FAR2: variants seen among roughly 807,000 people sequenced by gnomAD.
The protein encoded by FAR2 is epididymis secretory protein Li 81.
In FAR2, 19 loss-of-function variants were observed where a neutral mutation model predicts 56.0. The ratio of observed to expected loss-of-function variants is 0.34; its 90% CI spans 0.24 to 0.50. The LOEUF is 0.50. Ranked by LOEUF, FAR2 falls within the 20% of genes least tolerant of loss-of-function variation. The pLI is 0.98. For synonymous variants in FAR2, 219 were observed against 218.8 expected (o/e 1.00, Z -0.01); for missense variants, 508 against 642.2 (o/e 0.79, Z 2.26).
chr12:29,212,563 C>A (rs1227470944), intron 1 of FAR2, among the ~76,000 whole-genome samples: 1 of 152,122 alleles, frequency 6.6e-6, no homozygotes, highest in Admixed American at 6.5e-5. Context: ...ATATAGATGA[C>A]CCCCAAATTT....
chr12:29,247,089 C>T (rs566276442), intron 1 of FAR2, among the ~76,000 whole-genome samples: 14 of 152,162 alleles, frequency 9.2e-5, no homozygotes, highest in Non-Finnish European at 1.9e-4. Context: ...TAAGAGACTG[C>T]CAATTTATTG....
At chr12:29,333,592 C>T (rs1270907213) in intron 11 of FAR2, 40 bp from the exon 12 acceptor site, 3 of 1,569,122 alleles carry the variant, frequency 1.9e-6, no homozygotes, top group Admixed American at 1.7e-5. Flanking sequence ...GGTTGGGTAT[C>T]TGGTAGTTTT....
At chr12:29,333,544 C>A (rs767298674) in intron 11 of FAR2, 88 bp from the exon 12 acceptor site, 4 of 1,242,998 alleles carry the variant, frequency 3.2e-6, no homozygotes, top group South Asian at 1.4e-5. Flanking sequence ...ACTTGCCAGT[C>A]ATATCCAGGA....
At chr12:29,164,417 T>C (rs1022179585) in intron 1 of FAR2, among the ~76,000 whole-genome samples, 2 of 152,188 alleles carry the variant, frequency 1.3e-5, no homozygotes, top group South Asian at 2.1e-4. Context: ...TCGGATGAGC[T>C]AGCTTCCTCT....
At chr12:29,295,556 T>C (rs1405450198) in intron 3 of FAR2, among the ~76,000 whole-genome samples, 2 of 152,046 alleles carry the variant, frequency 1.3e-5, no homozygotes, top group African/African-American at 4.8e-5. Flanking sequence ...TTTAAAAACA[T>C]TTAGTATATT....
chr12:29,229,375 GA>G (rs1947818399), intron 1 of FAR2, among the ~76,000 whole-genome samples: 1 of 152,114 alleles, frequency 6.6e-6, no homozygotes, highest in African/African-American at 2.4e-5. Context: ...CCTACCTGCT[GA>G]CAACTTCATC....
intron 2 of FAR2, chr12:29,277,273 G>C (rs2136718223): frequency 6.6e-6 from 1 of 152,320 alleles, no homozygotes; most frequent in Middle Eastern, 3.4e-3. Context: ...ATCACGCCTG[G>C]CCATAAAATA....
chr12:29,162,742 G>C (rs1017937892), intron 1 of FAR2, among the ~76,000 whole-genome samples: 6 of 147,410 alleles, frequency 4.1e-5, no homozygotes, highest in African/African-American at 1.6e-4. Flanking sequence ...ATGAAGACAA[G>C]GCCCACTTGT....
At chr12:29,222,632 G>A (rs1947708802) in intron 1 of FAR2, among the ~76,000 whole-genome samples, 1 of 152,074 alleles carries the variant, frequency 6.6e-6, no homozygotes. Flanking sequence ...TAGATATCAA[G>A]AGTGAGGAGA....
chr12:29,223,676 T>G (rs1947724761), intron 1 of FAR2: 1 of 152,198 alleles, frequency 6.6e-6, no homozygotes, highest in African/African-American at 2.4e-5. Context: ...ACAGAGCCTT[T>G]CAATTCAGCT....
chr12:29,258,195 A>AT (rs1948358863), intron 1 of FAR2, among the ~76,000 whole-genome samples: 1 of 151,544 alleles, frequency 6.6e-6, no homozygotes, highest in Admixed American at 6.6e-5. Context: ...AAAAAAAAAA[A>AT]AATGCAAAAA....
intron 9 of FAR2, among the ~76,000 whole-genome samples, chr12:29,320,233 C>G (rs752766957): frequency 2.5e-4 from 38 of 152,252 alleles, no homozygotes; most frequent in Middle Eastern, 3.4e-3. Context: ...CCTTCTCTAT[C>G]TGGGAGTAAT....
At chr12:29,203,428 T>C (rs2136619151) in intron 1 of FAR2, among the ~76,000 whole-genome samples, 1 of 152,322 alleles carries the variant, frequency 6.6e-6, no homozygotes, top group East Asian at 1.9e-4. Flanking sequence ...TTGGTACACA[T>C]GATAGAATCA....
intron 8 of FAR2, among the ~76,000 whole-genome samples, chr12:29,313,202 T>G (rs1010017442): frequency 2.6e-5 from 4 of 152,138 alleles, no homozygotes; most frequent in African/African-American, 9.7e-5. Context: ...CAGGTGACAT[T>G]ACAAGGAGTG....
At chr12:29,258,778 CT>C (rs1565492288) in intron 1 of FAR2, among the ~76,000 whole-genome samples, 1 of 152,142 alleles carries the variant, frequency 6.6e-6, no homozygotes, top group African/African-American at 2.4e-5. Context: ...AATCGTCATT[CT>C]TTTTTGAATT....
intron 2 of FAR2, among the ~76,000 whole-genome samples, chr12:29,271,902 C>T (rs1414095090): frequency 6.6e-6 from 1 of 152,208 alleles, no homozygotes; most frequent in Non-Finnish European, 1.5e-5. Flanking sequence ...TACCAAAGGT[C>T]TTCTACCTAG....
At chr12:29,225,970 T>C (rs1947762640) in intron 1 of FAR2, among the ~76,000 whole-genome samples, 1 of 152,212 alleles carries the variant, frequency 6.6e-6, no homozygotes, top group Non-Finnish European at 1.5e-5. Flanking sequence ...GCTCTGGAGA[T>C]AGAGATCCTG....
intron 2 of FAR2, among the ~76,000 whole-genome samples, chr12:29,271,716 C>A (rs1000474899): frequency 3.3e-5 from 5 of 152,236 alleles, no homozygotes; most frequent in African/African-American, 1.2e-4. Flanking sequence ...CTTGACTCAG[C>A]AGTGGGACAA....
intron 1 of FAR2, among the ~76,000 whole-genome samples, chr12:29,190,680 G>C (rs1950096021): frequency 6.6e-6 from 1 of 151,938 alleles, no homozygotes; most frequent in South Asian, 2.1e-4. Flanking sequence ...AGCCAGGATG[G>C]TCTCCATCTC....
Sources: gnomAD v4.1 joint callset for allele counts (sites outside exome capture counted in the v4.1 genomes callset) on GRCh38, gnomAD v4.1.1 for gene constraint, MANE v1.5 for transcripts, NCBI Gene and HGNC (gene_info 2026-07-23, HGNC 2026-07-21) for gene names.